The following ENG variants were observed in gnomAD, a reference collection of about 807,000 sequenced individuals.
ENG encodes the protein endoglin.
A neutral mutation model predicts 71.0 loss-of-function variants in ENG; 17 were observed. The ratio of observed to expected loss-of-function variants is 0.24; its 90% CI spans 0.16 to 0.36. The LOEUF (loss-of-function observed/expected upper bound fraction) is 0.36, where lower values mean the gene tolerates loss of function less well. Ranked by LOEUF, ENG falls within the 10% of genes least tolerant of loss-of-function variation. The probability of loss-of-function intolerance (pLI) is 1.00; values close to 1 mark genes in which losing one functional copy is unlikely to be tolerated. For missense variants in ENG, 749 were observed against 868.3 expected (o/e 0.86, Z 1.73); for synonymous variants, 360 against 366.9 (o/e 0.98, Z 0.21).
Position 127,825,748 on chromosome 9 carries a change from C to T in ENG, c.636G>A (p.Val212=), listed in dbSNP as rs759493966. 2.5e-6 allele frequency: 4 copies of T among 1,600,130 alleles called. No individual in the cohort carries two copies. In the East Asian group the frequency reaches 6.8e-5, roughly 27 times the overall value. The change falls in exon 5 of 15, where the codon GTG becomes GTA. Residue 212 remains valine, a synonymous_variant. Coordinates refer to ENST00000373203, the MANE Select transcript of ENG (RefSeq NM_001114753.3). ...ALVRGCHLEG[V]AGHKEAHILR... ...GGATGTGCGCCTCCTTGTGGCCGGC[C>T]ACGCCTTCCAAGTGGCAGCCCCGGA...
chr9:127,848,551 T>C (rs1377551846), intron 1 of ENG, among the ~76,000 whole-genome samples: 1 of 152,204 alleles, frequency 6.6e-6, no homozygotes, highest in Non-Finnish European at 1.5e-5. Flanking sequence ...CCCAAAACGT[T>C]GGGATTACAG....
intron 2 of ENG, among the ~76,000 whole-genome samples, chr9:127,839,801 C>G (rs1689647146): frequency 6.6e-6 from 1 of 152,142 alleles, no homozygotes; most frequent in Non-Finnish European, 1.5e-5. Flanking sequence ...AGTGATCTGC[C>G]TGCCTCAGCC....
Position 127,826,589 on chromosome 9 carries a change from C to T in ENG, c.444G>A (p.Glu148=). The T allele has an allele frequency of 6.2e-7, 1 of 1,614,156 alleles. No individual in the cohort carries two copies. Among genetic ancestry groups the T allele is most frequent in the Admixed American group, 1.7e-5 (1 of 60,020 alleles). The change falls in exon 4 of 15, where the codon GAG becomes GAA. Residue 148 remains glutamate (E), a synonymous_variant. Transcript: ENST00000373203. The part of the protein sequence containing the change: ...LPSFPKTQIL[E]WAAERGPITS... ...TGATGGGGCCCCTCTCAGCTGCCCACTCAAGGATCTGGGTCTTGGGGAAGG... is the reference window on the plus strand; with the variant it reads ...TGATGGGGCCCCTCTCAGCTGCCCATTCAAGGATCTGGGTCTTGGGGAAGG...
intron 7 of ENG, 117 bp downstream of exon 7, chr9:127,824,683 G>C: frequency 8.2e-7 from 1 of 1,223,656 alleles, no homozygotes; most frequent in Non-Finnish European, 1.1e-6. Flanking sequence ...TGAGAAAAAT[G>C]AGGCTCAGAG....
At chr9:127,823,804 C>T (rs1402790129) in intron 8 of ENG, among the ~76,000 whole-genome samples, 2 of 151,168 alleles carry the variant, frequency 1.3e-5, no homozygotes, top group East Asian at 3.9e-4. Flanking sequence ...TCCTCAGCCT[C>T]CCAAGTAGCT....
chr9:127,829,701 G>A lies in ENG; in HGVS notation c.346C>T (p.Leu116=). Reference sequence around the variant, plus strand: ...AACACACTCACGTAGGCCAAGTGCAGTGGGATTCCCAGGGCCTGGAGATGC... The same window carrying A: ...AACACACTCACGTAGGCCAAGTGCAATGGGATTCCCAGGGCCTGGAGATGC... ...FLHLQALGIP[L]HLAYNSSLVT... The change falls in exon 3 of 15, where the codon CTG becomes TTG. Residue 116 remains leucine (L), a synonymous_variant. Coordinates refer to ENST00000373203, the MANE Select transcript of ENG (RefSeq NM_001114753.3). 6.2e-7 allele frequency: 1 copy of A among 1,614,150 alleles called. No homozygotes were observed. The highest frequency in any genetic ancestry group is 8.5e-7 in the Non-Finnish European group (1 of 1,180,020).
At chr9:127,831,600 C>A (rs1830767569) in intron 2 of ENG, among the ~76,000 whole-genome samples, 1 of 151,548 alleles carries the variant, frequency 6.6e-6, no homozygotes. Flanking sequence ...GTTGGTCAGG[C>A]TGGTCTCGAA....
intron 13 of ENG, 85 bp downstream of exon 13, chr9:127,817,064 C>T: frequency 1.3e-6 from 2 of 1,510,290 alleles, no homozygotes; most frequent in South Asian, 1.1e-5. Context: ...TGCTATGTGC[C>T]CAGGCCGTTT....
At position 127,843,081 on chromosome 9, in the gene ENG, A is replaced by AT. The variant is rs1448024285; in HGVS notation, c.219+12dup. The AT allele has an allele frequency of 6.2e-7, 1 of 1,613,710 alleles. No homozygotes were observed. The highest frequency in any genetic ancestry group is 2.2e-5 in the East Asian group (1 of 44,896). On this transcript the variant is annotated intron_variant, in intron 2 of 14. Coordinates refer to ENST00000373203, the MANE Select transcript of ENG (RefSeq NM_001114753.3). ...CTCTGAGCCCCCACCCGACCCTGCCATGGGACACTCACCGTTGGGAACTCC... is the reference window on the plus strand; with the variant it reads ...CTCTGAGCCCCCACCCGACCCTGCCATTGGGACACTCACCGTTGGGAACTCC...
intron 11 of ENG, 74 bp from the exon 12 acceptor site, chr9:127,818,451 C>T (rs1438838820): frequency 3.1e-6 from 5 of 1,590,692 alleles, no homozygotes; most frequent in African/African-American, 1.3e-5. Context: ...CTTCAAATAT[C>T]GGCTAGAATT....
Position 127,815,763 on chromosome 9 carries a change from C to G in ENG, c.1896G>C (p.Pro632=), listed in dbSNP as rs1487594889. The change falls in exon 15 of 15, where the codon CCG becomes CCC. Residue 632 remains proline (P), a synonymous_variant. Transcript: ENST00000373203. ...KREPVVAVAA[P]ASSESSSTNH... is the part of the protein sequence containing the mutation. Reference sequence around the variant, plus strand: ...TGGTGCTGCTGCTCTCCGAGGAGGCCGGGGCAGCCACCGCCACCACGGGCT... The same window carrying G: ...TGGTGCTGCTGCTCTCCGAGGAGGCGGGGGCAGCCACCGCCACCACGGGCT... The G allele has an allele frequency of 1.9e-6, 3 of 1,545,942 alleles. No homozygotes were observed. Among genetic ancestry groups the G allele is most frequent in the Middle Eastern group, 2.0e-4 (1 of 4,940 alleles).
intron 1 of ENG, among the ~76,000 whole-genome samples, chr9:127,844,750 G>T (rs1328518481): frequency 2.0e-5 from 3 of 152,194 alleles, no homozygotes; most frequent in African/African-American, 7.2e-5. Flanking sequence ...GATGTATCTG[G>T]CAACCCTAAC....
intron 2 of ENG, among the ~76,000 whole-genome samples, chr9:127,840,127 C>G (rs1830993948): frequency 6.6e-6 from 1 of 152,204 alleles, no homozygotes; most frequent in Admixed American, 6.5e-5. Context: ...TCCAGGTTTC[C>G]CGTGGGAAAA....
At chr9:127,817,622 G>T (rs1830358597) in intron 12 of ENG, 3 of 363,934 alleles carry the variant, frequency 8.2e-6, no homozygotes, top group Non-Finnish European at 1.6e-5. Flanking sequence ...GCCTGTCTGT[G>T]CAAGGGCCTG....
At chr9:127,845,080 G>A (rs41492548) in intron 1 of ENG, among the ~76,000 whole-genome samples, 41,035 of 152,202 alleles carry the variant, frequency 0.27, 5,832 homozygotes, top group South Asian at 0.5. Context: ...AGGGGGCTCC[G>A]GAGGAGGGAA....
chr9:127,825,117 G>A (rs765290251), intron 6 of ENG, 114 bp downstream of exon 6: 8 of 1,597,316 alleles, frequency 5.0e-6, no homozygotes, highest in Non-Finnish European at 6.0e-6. Flanking sequence ...CTCACGTATG[G>A]GCATAGGTGA....
In ENG at chr9:127,819,906, G is replaced by A. The variant is rs1485047701; in HGVS notation, c.1266C>T (p.Ser422=). 6.2e-7 allele frequency: 1 copy of A among 1,614,232 alleles called. No individual in the cohort carries two copies. The highest frequency in any genetic ancestry group is 1.7e-5 in the Admixed American group (1 of 60,026). ...TTTTGGCCCCAGCTCTTACCTCATT[G>A]CTGATCATACTTGCTGACACCTGCA... ...CGMQVSASMI[S]NEAVVNILSS... is the part of the protein sequence containing the mutation. Residue 422 remains serine, a synonymous_variant, in exon 9 of 15, where the codon AGC becomes AGT. Coordinates refer to ENST00000373203, the MANE Select transcript of ENG (RefSeq NM_001114753.3).
intron 2 of ENG, among the ~76,000 whole-genome samples, chr9:127,830,909 TG>T (rs894902005): frequency 6.6e-6 from 1 of 152,070 alleles, no homozygotes. Flanking sequence ...ACTAAAATCC[TG>T]GGGGGTTGTT....
rs200267820 is a variant in ENG at position 127,819,996 on chromosome 9, G to A, written c.1176C>T (p.Pro392=). 2.5e-6 allele frequency: 4 copies of A among 1,614,132 alleles called. No homozygotes were observed. Among genetic ancestry groups the A allele is most frequent in the African/African-American group, 1.3e-5 (1 of 75,038 alleles). Residue 392 remains proline (P), a synonymous_variant, in exon 9 of 15, where the codon CCC becomes CCT. Transcript: ENST00000373203. Reference sequence around the variant, plus strand: ...CACCCCTGTCCTCTGCCTCACAGCTGGGGTCCCAGAAGGTCAGGCCCGTGA... The same window carrying A: ...CACCCCTGTCCTCTGCCTCACAGCTAGGGTCCCAGAAGGTCAGGCCCGTGA... ...CTITGLTFWD[P]SCEAEDRGDK...
Sources: gnomAD v4.1 joint callset for allele counts (sites outside exome capture counted in the v4.1 genomes callset) on GRCh38, gnomAD v4.1.1 for gene constraint, MANE v1.5 for transcripts, NCBI Gene and HGNC (gene_info 2026-07-23, HGNC 2026-07-21) for gene names.